ERBB4: variants seen among roughly 807,000 people sequenced by gnomAD.
ERBB4 encodes the protein erb-b2 receptor tyrosine kinase 4.
ERBB4 carries 42 observed loss-of-function variants against 158.0 expected under a neutral mutation model. That is an observed-to-expected ratio of 0.27 (90% CI 0.21 to 0.34). The LOEUF is 0.34. Among genes scored for constraint, ERBB4 ranks in the 10% least tolerant of loss-of-function variants. The pLI, the probability that ERBB4 is intolerant of heterozygous loss-of-function variation, is 1.00. For synonymous variants in ERBB4, 583 were observed against 558.7 expected, an observed-to-expected ratio of 1.04 and a Z score of -0.61; for missense variants, 1,333 against 1,624.1, an observed-to-expected ratio of 0.82 and a Z score of 3.08.
At chr2:211,860,346 A>G (rs776333519) in intron 3 of ERBB4, among the ~76,000 whole-genome samples, 44 of 152,194 alleles carry the variant, frequency 2.9e-4, no homozygotes, top group Non-Finnish European at 5.7e-4. Context: ...AGACTTTTAT[A>G]AGCCTAACTC....
At chr2:211,743,011 G>A (rs1173796571) in intron 5 of ERBB4, among the ~76,000 whole-genome samples, 2 of 152,216 alleles carry the variant, frequency 1.3e-5, no homozygotes, top group Non-Finnish European at 2.9e-5. Context: ...TAATGCATTA[G>A]TCAGTTTAAT....
At chr2:211,612,981 G>C (rs1240552348) in intron 19 of ERBB4, among the ~76,000 whole-genome samples, 3 of 151,888 alleles carry the variant, frequency 2.0e-5, no homozygotes, top group African/African-American at 7.3e-5. Context: ...TATATAAATG[G>C]GTGAAATCGA....
At chr2:211,473,172 C>T (rs921035930) in intron 20 of ERBB4, among the ~76,000 whole-genome samples, 5 of 151,698 alleles carry the variant, frequency 3.3e-5, no homozygotes, top group African/African-American at 1.2e-4. Context: ...AGAGTTTACA[C>T]ACAAATAGAG....
chr2:211,579,637 T>A (rs534708301), intron 19 of ERBB4, among the ~76,000 whole-genome samples: 1 of 152,276 alleles, frequency 6.6e-6, no homozygotes, highest in East Asian at 1.9e-4. Flanking sequence ...AATGAGATCA[T>A]GTCCTTTATA....
At chr2:211,956,232 T>G (rs1559182413) in intron 2 of ERBB4, among the ~76,000 whole-genome samples, 1 of 152,126 alleles carries the variant, frequency 6.6e-6, no homozygotes, top group African/African-American at 2.4e-5. Flanking sequence ...GACTTTTAAC[T>G]GAAATTAGAT....
At chr2:211,877,781 G>A (rs1048900034) in intron 3 of ERBB4, among the ~76,000 whole-genome samples, 4 of 152,040 alleles carry the variant, frequency 2.6e-5, no homozygotes, top group Admixed American at 6.6e-5. Context: ...TATTTACATT[G>A]TATGTCTTCA....
At chr2:212,302,601 T>C (rs1447293732) in intron 1 of ERBB4, among the ~76,000 whole-genome samples, 1 of 151,550 alleles carries the variant, frequency 6.6e-6, no homozygotes, top group Non-Finnish European at 1.5e-5. Flanking sequence ...AATCACCTTC[T>C]CTATTTTTAT....
At chr2:211,517,061 A>G (rs1165559378) in intron 20 of ERBB4, among the ~76,000 whole-genome samples, 2 of 152,142 alleles carry the variant, frequency 1.3e-5, no homozygotes, top group Non-Finnish European at 2.9e-5. Context: ...GGTAAACAGC[A>G]AATTACAATT....
At chr2:211,386,790 CTTTG>C in intron 27 of ERBB4, 59 bp downstream of exon 27, 2 of 1,552,322 alleles carry the variant, frequency 1.3e-6, no homozygotes, top group African/African-American at 1.4e-5. Context: ...CTATTCTGTA[CTTTG>C]TTTATCTTGA....
intron 20 of ERBB4, among the ~76,000 whole-genome samples, chr2:211,496,538 TAA>T (rs939615748): frequency 1.4e-5 from 2 of 143,442 alleles, no homozygotes; most frequent in Non-Finnish European, 1.5e-5. Flanking sequence ...AAATTTCTCC[TAA>T]AAAAAAAAAA....
chr2:212,341,793 C>T (rs1214221774), intron 1 of ERBB4, among the ~76,000 whole-genome samples: 1 of 152,122 alleles, frequency 6.6e-6, no homozygotes, highest in Non-Finnish European at 1.5e-5. Context: ...TCTGAGTTTA[C>T]CTTGGGCTTC....
intron 3 of ERBB4, among the ~76,000 whole-genome samples, chr2:211,872,662 A>C (rs1035360998): frequency 6.6e-6 from 1 of 152,198 alleles, no homozygotes; most frequent in African/African-American, 2.4e-5. Context: ...CCTTCAAAAA[A>C]TAATTATTCA....
At chr2:211,481,283 T>C (rs1213699667) in intron 20 of ERBB4, among the ~76,000 whole-genome samples, 2 of 152,292 alleles carry the variant, frequency 1.3e-5, no homozygotes, top group Non-Finnish European at 2.9e-5. Context: ...AAAAGCCACA[T>C]TGTGAACACA....
chr2:211,890,116 A>C lies in ERBB4; in HGVS notation c.421+57314T>G, dbSNP rs558730591. Among the ~76,000 whole-genome samples, 321 of 84,274 alleles carry C rather than the reference A, an allele frequency of 3.8e-3. 3 individuals carry two copies. The highest frequency in any genetic ancestry group is 0.015 in the African/African-American group (300 of 19,360). The allele number at this position is 84,274 out of a possible 152,430, so 55.3% of individuals were successfully genotyped here. A position where few individuals can be genotyped will look rare whatever the true frequency, so the allele number is the denominator to read the frequency against. On this transcript the variant is annotated intron_variant, in intron 3 of 27. Transcript: ENST00000342788. ...GACACATAATTGTCAGATTCACCAA[A>C]GTTGAAATGAAGGAAAAAATGTTAA...
chr2:211,386,785 C>T, intron 27 of ERBB4, 68 bp downstream of exon 27: 1 of 1,532,396 alleles, frequency 6.5e-7, no homozygotes, highest in Non-Finnish European at 9.0e-7. Flanking sequence ...AATTTCTATT[C>T]TGTACTTTGT....
chr2:212,173,128 A>G (rs1457450859), intron 1 of ERBB4, among the ~76,000 whole-genome samples: 1 of 152,152 alleles, frequency 6.6e-6, no homozygotes, highest in African/African-American at 2.4e-5. Context: ...AACTTAATTG[A>G]TCTCTTATTA....
At position 211,829,828 on chromosome 2, in the gene ERBB4, G is replaced by A. The variant is rs149599838; in HGVS notation, c.422-41669C>T. ...ATACGCCTGCTTCTTTTTACTTATC[G>A]TCTATATTTACAAATTTAAAATGGA... On this transcript the variant is annotated intron_variant, in intron 3 of 27. Coordinates refer to ENST00000342788, the MANE Select transcript of ERBB4 (RefSeq NM_005235.3). 2.7e-3 allele frequency among the ~76,000 whole-genome samples: 414 copies of A among 151,980 alleles called. 3 individuals are homozygous for A. Among genetic ancestry groups the A allele is most frequent in the African/African-American group, 9.1e-3 (378 of 41,434 alleles).
At chr2:211,899,537 A>T (rs1333279248) in intron 3 of ERBB4, among the ~76,000 whole-genome samples, 1 of 152,130 alleles carries the variant, frequency 6.6e-6, no homozygotes, top group Non-Finnish European at 1.5e-5. Flanking sequence ...TTAAATTTTT[A>T]AAGTAATACT....
chr2:212,264,808 A>G (rs887953010), intron 1 of ERBB4, among the ~76,000 whole-genome samples: 3 of 152,158 alleles, frequency 2.0e-5, no homozygotes, highest in Non-Finnish European at 4.4e-5. Flanking sequence ...AAAAGGTAAT[A>G]GAAAAGTAAC....
Sources: allele counts gnomAD v4.1 joint callset (sites outside exome capture counted in the v4.1 genomes callset), GRCh38; gene constraint gnomAD v4.1.1; transcripts MANE v1.5; gene names NCBI Gene and HGNC (gene_info 2026-07-23, HGNC 2026-07-21).